AGPS: variants seen among roughly 807,000 people sequenced by gnomAD.
The protein encoded by AGPS is alkyldihydroxyacetonephosphate synthase, peroxisomal.
A neutral mutation model predicts 90.7 loss-of-function variants in AGPS; 26 were observed. The ratio of observed to expected loss-of-function variants is 0.29; its 90% CI spans 0.21 to 0.40. The LOEUF (loss-of-function observed/expected upper bound fraction) is 0.40. Ranked by LOEUF, AGPS falls within the 10% of genes least tolerant of loss-of-function variation. The probability of loss-of-function intolerance (pLI) is 1.00; values close to 1 mark genes in which losing one functional copy is unlikely to be tolerated. For missense variants in AGPS, 540 were observed against 816.1 expected (o/e 0.66, Z 4.12); for synonymous variants, 294 against 285.3 (o/e 1.03, Z -0.31).
intron 2 of AGPS, among the ~76,000 whole-genome samples, chr2:177,427,515 T>A (rs1162827059): frequency 1.3e-5 from 2 of 152,216 alleles, no homozygotes; most frequent in Non-Finnish European, 2.9e-5. Flanking sequence ...TAACACTGCT[T>A]TAGCTGCACC....
intron 1 of AGPS, among the ~76,000 whole-genome samples, chr2:177,407,334 A>C (rs925006998): frequency 6.6e-6 from 1 of 152,214 alleles, no homozygotes; most frequent in African/African-American, 2.4e-5. Context: ...CATTGCTATA[A>C]AGAAATACCC....
intron 8 of AGPS, among the ~76,000 whole-genome samples, chr2:177,454,097 C>CT (rs1687040732): frequency 6.6e-6 from 1 of 150,812 alleles, no homozygotes; most frequent in Admixed American, 6.7e-5. Context: ...ATTCGTTAAG[C>CT]TTTTTTGATT....
At chr2:177,452,227 T>TAGAAA in intron 8 of AGPS, among the ~76,000 whole-genome samples, 1 of 152,192 alleles carries the variant, frequency 6.6e-6, no homozygotes, top group Non-Finnish European at 1.5e-5. Context: ...TCAGGTCTCT[T>TAGAAA]ATATTTTTTA....
chr2:177,507,466 G>T (rs1279437800), intron 15 of AGPS, among the ~76,000 whole-genome samples: 1 of 152,084 alleles, frequency 6.6e-6, no homozygotes, highest in Non-Finnish European at 1.5e-5. Context: ...TCAGATAGCT[G>T]CACTATATTA....
At chr2:177,474,931 A>G (rs993539072) in intron 10 of AGPS, among the ~76,000 whole-genome samples, 3 of 152,340 alleles carry the variant, frequency 2.0e-5, no homozygotes, top group East Asian at 3.9e-4. Flanking sequence ...TATTTCACCA[A>G]AAGCTTAGAA....
At chr2:177,442,600 A>G in intron 7 of AGPS, 114 bp downstream of exon 7, 1 of 877,878 alleles carries the variant, frequency 1.1e-6, no homozygotes. Flanking sequence ...TAATCCCAGC[A>G]CCTGGGGAGG....
chr2:177,426,198 G>GT (rs1686074525), intron 2 of AGPS, among the ~76,000 whole-genome samples: 1 of 152,130 alleles, frequency 6.6e-6, no homozygotes, highest in Non-Finnish European at 1.5e-5. Flanking sequence ...CTTCTTGCCT[G>GT]TTGTTGGTGT....
chr2:177,451,817 A>G (rs980088702), intron 8 of AGPS, among the ~76,000 whole-genome samples: 1 of 152,196 alleles, frequency 6.6e-6, no homozygotes, highest in African/African-American at 2.4e-5. Flanking sequence ...TTTCTAAAGT[A>G]GAAAATCAGT....
intron 11 of AGPS, among the ~76,000 whole-genome samples, chr2:177,489,230 G>A (rs1574003998): frequency 6.6e-6 from 1 of 151,658 alleles, no homozygotes; most frequent in South Asian, 2.1e-4. Flanking sequence ...GACTACAGGC[G>A]CCTGCCACCA....
At chr2:177,416,430 G>A (rs1685785711) in intron 1 of AGPS, among the ~76,000 whole-genome samples, 1 of 152,046 alleles carries the variant, frequency 6.6e-6, no homozygotes, top group Non-Finnish European at 1.5e-5. Context: ...TTTCAGTTTG[G>A]TACTGTGGTT....
At chr2:177,500,530 T>G (rs1036477577) in intron 14 of AGPS, among the ~76,000 whole-genome samples, 2 of 152,006 alleles carry the variant, frequency 1.3e-5, no homozygotes, top group African/African-American at 4.8e-5. Context: ...GACCCATGTG[T>G]TTTAGAATGC....
At chr2:177,513,271 A>G (rs570367124) in intron 16 of AGPS, among the ~76,000 whole-genome samples, 8 of 151,346 alleles carry the variant, frequency 5.3e-5, no homozygotes, top group Admixed American at 5.3e-4. Flanking sequence ...ATTTTTTAAT[A>G]TTTTGTAGAG....
intron 15 of AGPS, among the ~76,000 whole-genome samples, chr2:177,505,897 C>T (rs6433671): frequency 1 from 151,210 of 151,962 alleles, 75,237 homozygotes; most frequent in South Asian, 1. Context: ...CTTAGCAACA[C>T]TCTTCACTTA....
chr2:177,417,992 T>C (rs1021600384), intron 1 of AGPS, among the ~76,000 whole-genome samples: 1 of 152,146 alleles, frequency 6.6e-6, no homozygotes, highest in African/African-American at 2.4e-5. Context: ...ATCAGAAGAT[T>C]GGTTTGGGGG....
At chr2:177,503,043 A>G (rs1422284928) in intron 14 of AGPS, among the ~76,000 whole-genome samples, 1 of 151,934 alleles carries the variant, frequency 6.6e-6, no homozygotes, top group East Asian at 1.9e-4. Flanking sequence ...GAAACTCTCT[A>G]CTGCCTTATT....
At chr2:177,417,756 A>G (rs1685827709) in intron 1 of AGPS, among the ~76,000 whole-genome samples, 1 of 152,198 alleles carries the variant, frequency 6.6e-6, no homozygotes, top group African/African-American at 2.4e-5. Flanking sequence ...CTGTGACTAT[A>G]TAAAGTTTTA....
intron 10 of AGPS, among the ~76,000 whole-genome samples, chr2:177,480,426 A>G (rs184393365): frequency 0.021 from 3,266 of 152,298 alleles, 76 homozygotes; most frequent in South Asian, 0.055. Flanking sequence ...TGTCCTTTGT[A>G]GGGACATGGA....
intron 13 of AGPS, 122 bp from the exon 14 acceptor site, chr2:177,499,496 T>C: frequency 1.5e-6 from 1 of 648,990 alleles, no homozygotes; most frequent in Non-Finnish European, 2.6e-6. Flanking sequence ...GTTCCAAAGC[T>C]CAATTTTTAA....
At chr2:177,520,568 T>G (rs191201585) in intron 17 of AGPS, among the ~76,000 whole-genome samples, 80 of 152,300 alleles carry the variant, frequency 5.3e-4, no homozygotes, top group Non-Finnish European at 1.0e-3. Context: ...CTTGCACATA[T>G]GGAGCTCATT....
Sources: gnomAD v4.1 joint callset for allele counts (sites outside exome capture counted in the v4.1 genomes callset) on GRCh38, gnomAD v4.1.1 for gene constraint, MANE v1.5 for transcripts, NCBI Gene and HGNC (gene_info 2026-07-23, HGNC 2026-07-21) for gene names.